The following DNAH7 variants were observed in gnomAD, a reference collection of about 807,000 sequenced individuals.
DNAH7 encodes the protein axonemal beta dynein heavy chain 7.
A neutral mutation model predicts 444.6 loss-of-function variants in DNAH7; 397 were observed. That is an observed-to-expected ratio of 0.89 (90% CI 0.82 to 0.97). DNAH7 has a LOEUF of 0.97. DNAH7 is among the 50% of genes least tolerant of loss of function. DNAH7 has a pLI of 0.00. For synonymous variants in DNAH7, 1,636 were observed against 1,624.4 expected, an observed-to-expected ratio of 1.01 and a Z score of -0.17; for missense variants, 4,902 against 4,800.8, an observed-to-expected ratio of 1.02 and a Z score of -0.62.
chr2:195,903,124 G>A (rs982286253), intron 27 of DNAH7: 1 of 152,036 alleles, frequency 6.6e-6, no homozygotes, highest in African/African-American at 2.4e-5. Flanking sequence ...AAAAATAAAT[G>A]ATCAAGAATA....
chr2:195,897,897 T>C (rs1702425107), intron 28 of DNAH7, 132 bp from the exon 29 acceptor site: 2 of 477,640 alleles, frequency 4.2e-6, no homozygotes, highest in Non-Finnish European at 7.5e-6. Context: ...TCTTTCTTTA[T>C]ATTGGATTGT....
At chr2:195,991,807 C>T (rs907023949) in intron 12 of DNAH7, among the ~76,000 whole-genome samples, 1 of 152,176 alleles carries the variant, frequency 6.6e-6, no homozygotes, top group Non-Finnish European at 1.5e-5. Context: ...ATACTTAGAA[C>T]TTAAAGTAAT....
At chr2:196,016,060 A>G (rs1695001186) in intron 9 of DNAH7, among the ~76,000 whole-genome samples, 1 of 152,134 alleles carries the variant, frequency 6.6e-6, no homozygotes, top group South Asian at 2.1e-4. Flanking sequence ...TTGGACACAT[A>G]CACTTTCTAT....
intron 10 of DNAH7, among the ~76,000 whole-genome samples, chr2:196,007,207 C>T (rs960914402): frequency 4.6e-5 from 7 of 152,172 alleles, no homozygotes; most frequent in South Asian, 2.1e-4. Context: ...TACTACAAAA[C>T]GGTTTGGTAC....
At chr2:195,746,348 C>G (rs1693402946) in intron 63 of DNAH7, among the ~76,000 whole-genome samples, 1 of 152,128 alleles carries the variant, frequency 6.6e-6, no homozygotes, top group Non-Finnish European at 1.5e-5. Context: ...ATTCATAAAG[C>G]AAGTCCTGAG....
rs1688936644 is a variant in DNAH7 at position 195,934,763 on chromosome 2, A to G, written c.3299T>C (p.Phe1100Ser). The change falls in exon 21 of 65, where the codon TTT (phenylalanine) becomes TCT (serine). Residue 1100 changes from phenylalanine to serine, a missense_variant. Coordinates refer to ENST00000312428, the MANE Select transcript of DNAH7 (RefSeq NM_018897.3). Reference protein sequence around the residue: ...TRVQPHLKKCFEGIAKVEFTE... With the variant: ...TRVQPHLKKCSEGIAKVEFTE... The stretch of plus-strand genomic sequence containing the variant: ...AAATTCTACCTTTGCGATTCCTTCA[A>G]AACATTTCTTCAAGTGAGGTTGCAC... The G allele has an allele frequency of 1.9e-6, 3 of 1,613,982 alleles. No homozygotes were observed. The highest frequency in any genetic ancestry group is 1.3e-5 in the African/African-American group (1 of 74,936).
At chr2:195,756,844 T>A (rs995552657) in intron 61 of DNAH7, among the ~76,000 whole-genome samples, 2 of 151,984 alleles carry the variant, frequency 1.3e-5, no homozygotes, top group African/African-American at 4.8e-5. Flanking sequence ...ATACAAAAAT[T>A]CGCTGGGTGT....
Position 195,796,745 on chromosome 2 carries a change from C to T in DNAH7, c.10354-8G>A. 1 of 1,609,236 alleles carries T rather than the reference C, an allele frequency of 6.2e-7. No individual in the cohort carries two copies. ...TTTTGATCCCCCATATCCCTGTGTA[C>T]AAGAATAGTAGAGATGTTATTTAAA... On this transcript the variant is annotated splice_region_variant and splice_polypyrimidine_tract_variant and intron_variant, in intron 55 of 64. Transcript: ENST00000312428.
intron 54 of DNAH7, 152 bp from the exon 55 acceptor site, chr2:195,799,624 A>G (rs1441403614): frequency 8.4e-6 from 4 of 475,730 alleles, no homozygotes; most frequent in African/African-American, 2.0e-5. Flanking sequence ...ATCAATGTTT[A>G]TATAAATGCC....
chr2:195,850,380 C>T (rs1234079511), intron 46 of DNAH7, among the ~76,000 whole-genome samples: 3 of 151,572 alleles, frequency 2.0e-5, no homozygotes, highest in Non-Finnish European at 4.4e-5. Context: ...ACCATTAAAA[C>T]AGTTTCTACT....
At chr2:195,857,203 T>C (rs2125061742) in intron 44 of DNAH7, among the ~76,000 whole-genome samples, 174 bp downstream of exon 44, 1 of 152,316 alleles carries the variant, frequency 6.6e-6, no homozygotes, top group South Asian at 2.1e-4. Flanking sequence ...AACCACTGTA[T>C]TATACTATTA....
In DNAH7 at chr2:195,740,861, T is replaced by G; in HGVS notation, c.11773A>C (p.Ile3925Leu). Residue 3925 changes from isoleucine to leucine, a missense_variant, in exon 64 of 65, where the codon ATT (isoleucine) becomes CTT (leucine). Coordinates refer to ENST00000312428, the MANE Select transcript of DNAH7 (RefSeq NM_018897.3). ...YKHPPEDGVF[I>L]HGLFLDGASW... is the part of the protein sequence containing the mutation. ...GCTCCATCCAGAAATAATCCGTGAA[T>G]GAAAACACCTAAATATAAAAGAAAC... 1 of 1,543,364 alleles carries G rather than the reference T, an allele frequency of 6.5e-7. No individual in the cohort carries two copies. The highest frequency in any genetic ancestry group is 8.7e-7 in the Non-Finnish European group (1 of 1,144,538).
intron 30 of DNAH7, 123 bp from the exon 31 acceptor site, chr2:195,891,927 G>C: frequency 1.4e-6 from 1 of 712,456 alleles, no homozygotes. Context: ...TAGTGAATTT[G>C]ACAAGGTCCC....
Position 195,960,940 on chromosome 2 carries a change from C to T in DNAH7, c.2211G>A (p.Glu737=), listed in dbSNP as rs1288142653. 6.3e-7 allele frequency: 1 copy of T among 1,582,462 alleles called. No homozygotes were observed. Among genetic ancestry groups the T allele is most frequent in the Admixed American group, 1.8e-5 (1 of 55,812 alleles). ...GKLDLAADKI[E]QFNAEEEAFG... is the part of the protein sequence containing the mutation. ...ATGCTTCCTCTTCAGCATTAAACTGCTCAATCTGAAAGGATAAGTATTGAA... is the reference window on the plus strand; with the variant it reads ...ATGCTTCCTCTTCAGCATTAAACTGTTCAATCTGAAAGGATAAGTATTGAA... Residue 737 remains glutamate, a synonymous_variant, in exon 18 of 65, where the codon GAG becomes GAA. Coordinates refer to ENST00000312428, the MANE Select transcript of DNAH7 (RefSeq NM_018897.3).
chr2:195,881,909 AATG>A lies in DNAH7; in HGVS notation c.5844_5846del (p.Ile1949del). 6.2e-7 allele frequency: 1 copy of A among 1,614,032 alleles called. No homozygotes were observed. Among genetic ancestry groups the A allele is most frequent in the Non-Finnish European group, 8.5e-7 (1 of 1,179,926 alleles). ...ATCGAATTGTGTCCAGAGTTGGCAC[AATG>A]ATTTCATTAAACATTACATCTTTAG... is the stretch of plus-strand genomic sequence containing the variant. On this transcript the variant is annotated inframe_deletion, in exon 36 of 65. Coordinates refer to ENST00000312428, the MANE Select transcript of DNAH7 (RefSeq NM_018897.3).
chr2:195,966,049 T>G (rs928833760), intron 17 of DNAH7, among the ~76,000 whole-genome samples: 1 of 152,112 alleles, frequency 6.6e-6, no homozygotes. Flanking sequence ...AATTAGATTT[T>G]TTTGTTTGTT....
At chr2:195,934,512 T>C in intron 21 of DNAH7, 79 bp downstream of exon 21, 1 of 1,423,608 alleles carries the variant, frequency 7.0e-7, no homozygotes, top group Non-Finnish European at 9.8e-7. Context: ...TAAATAACAG[T>C]ACATTTATCA....
intron 33 of DNAH7, among the ~76,000 whole-genome samples, chr2:195,888,039 G>A (rs1455513066): frequency 6.6e-6 from 1 of 151,984 alleles, no homozygotes; most frequent in Non-Finnish European, 1.5e-5. Context: ...GGGCCTTTGA[G>A]TTCTCTTTTT....
In DNAH7 at chr2:195,787,163, G is replaced by C. The variant is rs1416304381; in HGVS notation, c.10725C>G (p.Phe3575Leu). 8 of 1,597,936 alleles carry C rather than the reference G, an allele frequency of 5.0e-6. No individual in the cohort carries two copies. Among genetic ancestry groups the C allele is most frequent in the Admixed American group, 1.8e-5 (1 of 54,232 alleles). Residue 3575 changes from phenylalanine to leucine, a missense_variant, in exon 58 of 65, where the codon TTC (phenylalanine) becomes TTG (leucine). Physicochemically the swap from Phe to Leu is conservative, Grantham distance 22. Coordinates refer to ENST00000312428, the MANE Select transcript of DNAH7 (RefSeq NM_018897.3). ...FFGSCKKPEE[F>L]KKLLYGLCFF... ...AACACAGGCCATAAAGCAATTTCTTGAATTCCTCCTGTAATGAGAAGAAAT... is the reference window on the plus strand; with the variant it reads ...AACACAGGCCATAAAGCAATTTCTTCAATTCCTCCTGTAATGAGAAGAAAT...
Sources: allele counts gnomAD v4.1 joint callset (sites outside exome capture counted in the v4.1 genomes callset), GRCh38; gene constraint gnomAD v4.1.1; transcripts MANE v1.5; gene names NCBI Gene and HGNC (gene_info 2026-07-23, HGNC 2026-07-21).